The following PALM2AKAP2 variants were observed in gnomAD, a reference collection of about 807,000 sequenced individuals.
PALM2AKAP2 encodes the protein PALM2 and AKAP2 fusion.
Under a neutral mutation model 71.5 loss-of-function variants are expected in PALM2AKAP2, and 37 were observed. The observed-to-expected ratio is 0.52, with a 90% confidence interval of 0.40 to 0.68. The LOEUF (loss-of-function observed/expected upper bound fraction) is 0.68, where lower values mean the gene tolerates loss of function less well. Among genes scored for constraint, PALM2AKAP2 ranks in the 30% least tolerant of loss-of-function variants. The pLI is 0.00. For missense variants in PALM2AKAP2, 1,224 were observed against 1,191.8 expected (o/e 1.03, Z -0.40); for synonymous variants, 468 against 478.8 (o/e 0.98, Z 0.29).
intron 1 of PALM2AKAP2, among the ~76,000 whole-genome samples, chr9:109,673,842 C>T (rs1220090081): frequency 6.6e-6 from 1 of 152,008 alleles, no homozygotes; most frequent in Non-Finnish European, 1.5e-5. Flanking sequence ...AACCCTTTAC[C>T]ATTATGTAAT....
rs10429553 is a variant in PALM2AKAP2, at chr9:109,871,799, G to A, written c.126+4228G>A. Among the ~76,000 whole-genome samples, 692 of 152,234 alleles carry A rather than the reference G, an allele frequency of 4.5e-3. 3 individuals are homozygous for A. Among genetic ancestry groups the A allele is most frequent in the African/African-American group, 0.015 (635 of 41,562 alleles). ...TATAATTTTTATAAAATCCCATGGA[G>A]CATTCTTTTACTTTAGGATAACTGA... On this transcript the variant is annotated intron_variant, in intron 2 of 9. Coordinates refer to the PALM2AKAP2 transcript ENST00000302798.
intron 1 of PALM2AKAP2, among the ~76,000 whole-genome samples, chr9:109,834,262 G>C (rs1587943938): frequency 6.6e-6 from 1 of 152,172 alleles, no homozygotes. Flanking sequence ...AGTGTACAAA[G>C]TTTATATATT....
intron 7 of PALM2AKAP2, among the ~76,000 whole-genome samples, chr9:110,038,717 T>C (rs1053631268): frequency 6.6e-6 from 1 of 151,904 alleles, no homozygotes; most frequent in Non-Finnish European, 1.5e-5. Flanking sequence ...GGTGGGCAGA[T>C]CACCTGAGGT....
chr9:109,960,574 TTAAGTC>T, intron 6 of PALM2AKAP2, among the ~76,000 whole-genome samples: 1 of 152,100 alleles, frequency 6.6e-6, no homozygotes, highest in East Asian at 1.9e-4. Flanking sequence ...GCACAGGAAT[TTAAGTC>T]TAGTCTGCAC....
intron 6 of PALM2AKAP2, among the ~76,000 whole-genome samples, chr9:109,938,400 A>G (rs928645905): frequency 3.9e-5 from 6 of 152,182 alleles, no homozygotes; most frequent in Admixed American, 3.9e-4. Flanking sequence ...AAAGGAATGT[A>G]GAATCACACT....
chr9:110,010,053 T>G (rs1223263155), intron 6 of PALM2AKAP2, among the ~76,000 whole-genome samples: 1 of 152,178 alleles, frequency 6.6e-6, no homozygotes, highest in Admixed American at 6.5e-5. Context: ...GGTGAGAGGG[T>G]GTATAAAAAG....
upstream of PALM2AKAP2, among the ~76,000 whole-genome samples, chr9:110,047,018 T>C (rs914993477): frequency 3.9e-5 from 6 of 152,024 alleles, no homozygotes; most frequent in African/African-American, 7.2e-5. Flanking sequence ...AATAGATCAG[T>C]ATGTAGGGCA....
At chr9:109,685,537 A>G (rs112437040) in intron 1 of PALM2AKAP2, among the ~76,000 whole-genome samples, 1,577 of 152,064 alleles carry the variant, frequency 0.01, 16 homozygotes, top group Middle Eastern at 0.02. Flanking sequence ...ACTACACTAT[A>G]CTCTAAAGAC....
intron 1 of PALM2AKAP2, among the ~76,000 whole-genome samples, chr9:109,852,644 C>G (rs1829052977): frequency 6.6e-6 from 1 of 152,096 alleles, no homozygotes; most frequent in Admixed American, 6.5e-5. Flanking sequence ...ATTTGCACTC[C>G]CAAAAACAGA....
chr9:109,829,305 C>G (rs1299074110), intron 1 of PALM2AKAP2, among the ~76,000 whole-genome samples: 2 of 152,156 alleles, frequency 1.3e-5, no homozygotes. Context: ...CCTTTGCATT[C>G]CATCCAAGTA....
At chr9:109,699,356 C>T (rs1828019452) in intron 1 of PALM2AKAP2, among the ~76,000 whole-genome samples, 1 of 152,184 alleles carries the variant, frequency 6.6e-6, no homozygotes, top group Admixed American at 6.5e-5. Flanking sequence ...GAAACTAGTT[C>T]TTGCCATTGG....
chr9:110,062,089 T>TA lies in PALM2AKAP2; in HGVS notation c.156+13241dup, dbSNP rs111524147. Among the ~76,000 whole-genome samples the TA allele has an allele frequency of 8.6e-3, 1,312 of 152,200 alleles. 18 individuals are homozygous for TA. The highest frequency in any genetic ancestry group is 0.03 in the African/African-American group (1,227 of 41,488). On this transcript the variant is annotated intron_variant, in intron 1 of 3. Transcript: ENST00000374525. ...ACAAAGGCTTACAAAAAAATAGCATTAAAAAAATTTTATTTTAAGTTCCAG... is the reference window on the plus strand; with the variant it reads ...ACAAAGGCTTACAAAAAAATAGCATTAAAAAAAATTTTATTTTAAGTTCCAG...
intron 6 of PALM2AKAP2, among the ~76,000 whole-genome samples, chr9:109,974,878 G>A (rs1304899826): frequency 6.6e-6 from 1 of 152,164 alleles, no homozygotes; most frequent in Non-Finnish European, 1.5e-5. Flanking sequence ...TTCCTCTTGG[G>A]ATGCAAAAGG....
chr9:110,048,532 T>C (rs1588076817), upstream of PALM2AKAP2: 1 of 627,280 alleles, frequency 1.6e-6, no homozygotes, highest in Non-Finnish European at 2.6e-6. Flanking sequence ...CCGAAGCCAC[T>C]GAGAGGAGAA....
chr9:109,778,785 T>TTTTTTA (rs1260956890), upstream of PALM2AKAP2, among the ~76,000 whole-genome samples: 1 of 144,392 alleles, frequency 6.9e-6, no homozygotes. Context: ...TTTTTTTTTT[T>TTTTTTA]GAGACAGAGT....
At chr9:110,168,669 C>A (rs1836792636) in exon 4 of PALM2AKAP2, 4 of 780,716 alleles carry the variant, frequency 5.1e-6, no homozygotes, top group African/African-American at 3.6e-5. Flanking sequence ...AAAAGGAAGT[C>A]CCCCCATCAG....
At chr9:109,711,174 T>A (rs1828229485) in intron 1 of PALM2AKAP2, among the ~76,000 whole-genome samples, 1 of 147,266 alleles carries the variant, frequency 6.8e-6, no homozygotes, top group Admixed American at 6.8e-5. Flanking sequence ...AAAAAAAAAA[T>A]GGAAAGGTGG....
chr9:110,053,506 G>A (rs1347756164), intron 1 of PALM2AKAP2, among the ~76,000 whole-genome samples: 1 of 113,768 alleles, frequency 8.8e-6, no homozygotes, highest in East Asian at 2.9e-4. Context: ...CCAGCCTGGT[G>A]ACAGAGCAAG....
At chr9:109,846,894 C>T (rs190048296) in intron 1 of PALM2AKAP2, among the ~76,000 whole-genome samples, 64 of 152,308 alleles carry the variant, frequency 4.2e-4, no homozygotes, top group Non-Finnish European at 6.9e-4. Flanking sequence ...TTTATAGTCT[C>T]TGTTGAATGT....
Sources: allele counts gnomAD v4.1 joint callset (sites outside exome capture counted in the v4.1 genomes callset), GRCh38; gene constraint gnomAD v4.1.1; transcripts MANE v1.5; gene names NCBI Gene and HGNC (gene_info 2026-07-23, HGNC 2026-07-21).